TRAF3IP3: variants seen among roughly 807,000 people sequenced by gnomAD.
The protein encoded by TRAF3IP3 is TRAF3 interacting protein 3.
TRAF3IP3 carries 64 observed loss-of-function variants against 86.5 expected under a neutral mutation model. The ratio of observed to expected loss-of-function variants is 0.74; its 90% CI spans 0.60 to 0.91. TRAF3IP3 has a LOEUF of 0.91. Among genes scored for constraint, TRAF3IP3 ranks in the 40% least tolerant of loss-of-function variants. TRAF3IP3 has a pLI of 0.00. For synonymous variants in TRAF3IP3, 220 were observed against 243.9 expected, an observed-to-expected ratio of 0.90 and a Z score of 0.91; for missense variants, 579 against 642.9, an observed-to-expected ratio of 0.90 and a Z score of 1.07.
At position 209,765,282 on chromosome 1, in the gene TRAF3IP3, GAAGGAAGA is replaced by G. The variant is rs1190568463; in HGVS notation, c.702+1698_702+1705del. On this transcript the variant is annotated intron_variant, in intron 8 of 16. Transcript: ENST00000367025. ...GGAAGGAAGGAAGGAAGGAAGGAAGGAAGGAAGAAATTAAGATAGAAATTGAGAAAGAA... is the reference window on the plus strand; with the variant it reads ...GGAAGGAAGGAAGGAAGGAAGGAAGGAATTAAGATAGAAATTGAGAAAGAA... 1.0e-2 allele frequency among the ~76,000 whole-genome samples: 952 copies of G among 95,512 alleles called. 27 individuals carry two copies. The highest frequency in any genetic ancestry group is 0.028 in the African/African-American group (787 of 28,118). The allele number at this position is 95,512 out of a possible 152,430, so 62.7% of individuals were successfully genotyped here. A position where few individuals can be genotyped will look rare whatever the true frequency, so the allele number is the denominator to read the frequency against.
intron 2 of TRAF3IP3, among the ~76,000 whole-genome samples, chr1:209,759,737 CTTTTACTTTA>C (rs2077212191): frequency 6.6e-6 from 1 of 152,162 alleles, no homozygotes; most frequent in South Asian, 2.1e-4. Context: ...CATAGAGACC[CTTTTACTTTA>C]CAAAGGGGAA....
chr1:209,781,363 G>T lies in TRAF3IP3; in HGVS notation c.1468G>T (p.Glu490Ter), dbSNP rs1344358875. ...TCCCCAGTGCAGAGAACTGCATTCA[G>T]AATTAGACAACCTCAGTGACGAGTA... ...KEKECRELHS[E>*]LDNLSDEYLS... is the part of the protein sequence containing the mutation. Residue 490 changes from glutamate (E) to a stop codon, truncating the protein, a stop_gained, in exon 16 of 17, where the codon GAA (glutamate) becomes TAA (stop). Coordinates refer to ENST00000367025, the MANE Select transcript of TRAF3IP3 (RefSeq NM_025228.4). LOFTEE classifies it high-confidence loss of function. 2 of 1,612,892 alleles carry T rather than the reference G, an allele frequency of 1.2e-6. No individual in the cohort carries two copies. Among genetic ancestry groups the T allele is most frequent in the Admixed American group, 1.7e-5 (1 of 59,994 alleles).
At chr1:209,768,436 G>A in intron 8 of TRAF3IP3, 3 of 985,520 alleles carry the variant, frequency 3.0e-6, no homozygotes, top group Non-Finnish European at 2.4e-6. Context: ...ATACAAAAAC[G>A]AGAGCAGGGC....
At chr1:209,765,132 G>A (rs2077318149) in intron 8 of TRAF3IP3, among the ~76,000 whole-genome samples, 1 of 149,162 alleles carries the variant, frequency 6.7e-6, no homozygotes, top group African/African-American at 2.5e-5. Context: ...CGATGATAGT[G>A]CCACTACACT....
At chr1:209,773,334 G>A (rs2077585731) in intron 9 of TRAF3IP3, among the ~76,000 whole-genome samples, 1 of 152,204 alleles carries the variant, frequency 6.6e-6, no homozygotes, top group South Asian at 2.1e-4. Flanking sequence ...CCTTGGTAAA[G>A]ACTCACATCA....
intron 8 of TRAF3IP3, among the ~76,000 whole-genome samples, chr1:209,765,083 G>C (rs1319597559): frequency 6.6e-6 from 1 of 151,878 alleles, no homozygotes; most frequent in African/African-American, 2.4e-5. Flanking sequence ...GCTGGGCCAC[G>C]AGAATCGCTT....
intron 1 of TRAF3IP3, among the ~76,000 whole-genome samples, chr1:209,756,723 C>G (rs1456416370): frequency 6.6e-6 from 1 of 152,222 alleles, no homozygotes; most frequent in Non-Finnish European, 1.5e-5. Flanking sequence ...GCCAGGAAGG[C>G]CAACCCATGC....
intron 9 of TRAF3IP3, 23 bp downstream of exon 9, chr1:209,773,042 C>T (rs1277079749): frequency 6.4e-7 from 1 of 1,564,736 alleles, no homozygotes. Flanking sequence ...AAGGATACTT[C>T]CATCTCAGGA....
chr1:209,777,732 C>T, intron 12 of TRAF3IP3: 2 of 513,686 alleles, frequency 3.9e-6, no homozygotes, highest in Non-Finnish European at 6.8e-6. Context: ...TAGCCCATCC[C>T]TCTGGGCCAG....
rs1277126833 is a variant in TRAF3IP3 at position 209,771,266 on chromosome 1, C to T, written c.703-1682C>T. Among the ~76,000 whole-genome samples, 8 of 86,528 alleles carry T rather than the reference C, an allele frequency of 9.2e-5. No homozygotes were observed. In the East Asian group the frequency reaches 2.3e-3, roughly 25 times the overall value. The allele number at this position is 86,528 out of a possible 152,430, so 56.8% of individuals were successfully genotyped here. ...GTGCAGGTGGAGGTGTGTGTCCCTA[C>T]GGAGGTGTGCATCTGCATGTGAAGG... On this transcript the variant is annotated intron_variant, in intron 8 of 16. Coordinates refer to ENST00000367025, the MANE Select transcript of TRAF3IP3 (RefSeq NM_025228.4).
At chr1:209,763,627 C>G (rs1340142564) in intron 8 of TRAF3IP3, 40 bp downstream of exon 8, 5 of 1,492,420 alleles carry the variant, frequency 3.4e-6, no homozygotes, top group Non-Finnish European at 4.7e-6. Context: ...GCTTGGGCTT[C>G]TATGTGTTCC....
rs182713844 is a variant in TRAF3IP3 at position 209,761,582 on chromosome 1, A to C, written c.346-933A>C. On this transcript the variant is annotated intron_variant, in intron 3 of 16. Transcript: ENST00000367025. ...GATCCTAGAGCCCAGTTGCAAAAGA[A>C]AAGGAACTGTATACTAAAGCAAAAA... Among the ~76,000 whole-genome samples the C allele has an allele frequency of 2.9e-4, 42 of 145,148 alleles. No homozygotes were observed. In the East Asian group the frequency reaches 8.0e-3, roughly 27 times the overall value.
At chr1:209,762,901 C>G in intron 5 of TRAF3IP3, 31 bp downstream of exon 5, 1 of 1,613,156 alleles carries the variant, frequency 6.2e-7, no homozygotes, top group Non-Finnish European at 8.5e-7. Flanking sequence ...CTCTCACATC[C>G]CATCCATTCC....
At chr1:209,768,250 A>T in intron 8 of TRAF3IP3, 1 of 985,412 alleles carries the variant, frequency 1.0e-6, no homozygotes, top group Non-Finnish European at 1.2e-6. Flanking sequence ...AACTTACCAC[A>T]AACTCCCTAT....
chr1:209,772,867 C>A (rs1175202024), intron 8 of TRAF3IP3, 81 bp from the exon 9 acceptor site: 9 of 1,213,072 alleles, frequency 7.4e-6, no homozygotes, highest in South Asian at 1.3e-5. Flanking sequence ...ATGTGCTGGG[C>A]AGTAGAATAG....
chr1:209,781,548 G>A lies in TRAF3IP3; in HGVS notation c.1563+90G>A, dbSNP rs114736211. 1,423 of 893,776 alleles carry A rather than the reference G, an allele frequency of 1.6e-3. 3 individuals carry two copies. Among genetic ancestry groups the A allele is most frequent in the Non-Finnish European group, 2.3e-3 (1,247 of 548,246 alleles). 55.4% of individuals were successfully genotyped at this position (893,776 alleles called of 1,614,324 possible). ...TTGCACATAAAATATATCAGCCCAC[G>A]CCAACAACTGGCCATCCTGTCCCAC... On this transcript the variant is annotated intron_variant, in intron 16 of 16. Coordinates refer to ENST00000367025, the MANE Select transcript of TRAF3IP3 (RefSeq NM_025228.4).
rs750326011 is a variant in TRAF3IP3 at position 209,777,382 on chromosome 1, C to G, written c.1084C>G (p.Gln362Glu). Residue 362 changes from glutamine (Q) to glutamate (E), a missense_variant, in exon 12 of 17, where the codon CAG becomes GAG. Transcript: ENST00000367025. ...AGATAGCAGGGACTTACAGATGAACCAGGCCCTGCGATTTTTGGAAAATGA... is the reference window on the plus strand; with the variant it reads ...AGATAGCAGGGACTTACAGATGAACGAGGCCCTGCGATTTTTGGAAAATGA... ...GADSRDLQMN[Q>E]ALRFLENEHQ... 3 of 1,613,986 alleles carry G rather than the reference C, an allele frequency of 1.9e-6. No individual in the cohort carries two copies. Among genetic ancestry groups the G allele is most frequent in the East Asian group, 4.5e-5 (2 of 44,870 alleles).
intron 8 of TRAF3IP3, chr1:209,768,179 C>T (rs1353717652): frequency 1.0e-6 from 1 of 985,286 alleles, no homozygotes; most frequent in Non-Finnish European, 1.2e-6. Flanking sequence ...AGAACTGGTT[C>T]AGACCTTTAT....
Position 209,775,337 on chromosome 1 carries a change from T to A in TRAF3IP3, c.775-12T>A, listed in dbSNP as rs1410612965. 6.2e-7 allele frequency: 1 copy of A among 1,603,458 alleles called. No individual in the cohort carries two copies. Among genetic ancestry groups the A allele is most frequent in the African/African-American group, 1.3e-5 (1 of 74,560 alleles). On this transcript the variant is annotated splice_polypyrimidine_tract_variant and intron_variant, in intron 9 of 16. Transcript: ENST00000367025. ...CTCAATGTGTATTTGTTGAATTGCA[T>A]CAAATTTACAGAAATACTCCCCTTG...
Sources: allele counts gnomAD v4.1 joint callset (sites outside exome capture counted in the v4.1 genomes callset), GRCh38; gene constraint gnomAD v4.1.1; transcripts MANE v1.5; gene names NCBI Gene and HGNC (gene_info 2026-07-23, HGNC 2026-07-21).